Variants in AMZ2 observed in about 807,000 individuals in gnomAD.
The protein encoded by AMZ2 is archaemetzincin-2.
A neutral mutation model predicts 36.7 loss-of-function variants in AMZ2; 26 were observed. The observed-to-expected ratio is 0.71, with a 90% CI of 0.52 to 0.98. The LOEUF is 0.98. AMZ2 is among the 50% of genes least tolerant of loss of function. AMZ2 has a pLI of 0.00. For missense variants in AMZ2, 394 were observed against 430.5 expected (o/e 0.92, Z 0.75); for synonymous variants, 144 against 149.1 (o/e 0.97, Z 0.25).
intron 1 of AMZ2, among the ~76,000 whole-genome samples, chr17:68,222,538 T>C (rs2073394502): frequency 6.6e-6 from 1 of 152,148 alleles, no homozygotes; most frequent in Non-Finnish European, 1.5e-5. Flanking sequence ...TAATGAAATA[T>C]ATAATGAAAT....
chr17:68,221,036 G>A (rs1267775766), intron 1 of AMZ2, among the ~76,000 whole-genome samples: 2 of 151,892 alleles, frequency 1.3e-5, no homozygotes, highest in African/African-American at 2.4e-5. Flanking sequence ...CACCCGCCTC[G>A]GCCCCGCAAA....
chr17:68,241,828 G>A (rs1375675233), intron 1 of AMZ2, among the ~76,000 whole-genome samples: 12 of 151,476 alleles, frequency 7.9e-5, no homozygotes, highest in Admixed American at 4.6e-4. Context: ...AGGTTCAAGC[G>A]ATTCTCCTGC....
intron 1 of AMZ2, among the ~76,000 whole-genome samples, chr17:68,240,226 A>T (rs1682972956): frequency 6.6e-6 from 1 of 152,144 alleles, no homozygotes; most frequent in African/African-American, 2.4e-5. Flanking sequence ...AATACTATTC[A>T]TAAGAGTTCC....
In AMZ2 at chr17:68,256,838, G is replaced by GA. The variant is rs782304306; in HGVS notation, c.954dup (p.Ser319IlefsTer3). ...GGCACTGGTGAGGTGGATTGATGATGAATCTTCTGACACACCTGGAGCAAC... is the reference window on the plus strand; with the variant it reads ...GGCACTGGTGAGGTGGATTGATGATGAAATCTTCTGACACACCTGGAGCAAC... On this transcript the variant is annotated frameshift_variant, in exon 7 of 7. Coordinates refer to ENST00000359904, the MANE Select transcript of AMZ2 (RefSeq NM_016627.5). LOFTEE classifies it low-confidence loss of function (END_TRUNC). 2.2e-5 allele frequency: 35 copies of GA among 1,613,530 alleles called. No individual in the cohort carries two copies. In the Admixed American group the frequency reaches 2.7e-4, roughly 12 times the overall value.
At position 68,223,738 on chromosome 17, in the gene AMZ2, C is replaced by T. The variant is rs562665027; in HGVS notation, c.-67+17500C>T. 4.2e-5 allele frequency among the ~76,000 whole-genome samples: 6 copies of T among 143,836 alleles called. No individual in the cohort carries two copies. The South Asian group carries it at 6.6e-4, about 16-fold the overall frequency. 94.4% of individuals were successfully genotyped at this position (143,836 alleles called of 152,430 possible). ...TGTTGTTTGTTTGTTTGTTTTGAGA[C>T]GGAGTCACGCTCTGTCACCCAGGCT... On this transcript the variant is annotated intron_variant, in intron 1 of 7. Transcript: ENST00000674770.
chr17:68,247,666 C>T (rs566847733), upstream of AMZ2: 2 of 985,528 alleles, frequency 2.0e-6, no homozygotes, highest in East Asian at 2.3e-4. Flanking sequence ...TTTGGGGCCA[C>T]GCTGGTTGCA....
chr17:68,227,099 A>G (rs1555730101), intron 1 of AMZ2, among the ~76,000 whole-genome samples: 1 of 151,720 alleles, frequency 6.6e-6, no homozygotes, highest in Non-Finnish European at 1.5e-5. Context: ...ACATAATAAC[A>G]TTTTTAGGAA....
intron 1 of AMZ2, among the ~76,000 whole-genome samples, chr17:68,212,805 C>A (rs2073101578): frequency 6.6e-6 from 1 of 152,052 alleles, no homozygotes; most frequent in Non-Finnish European, 1.5e-5. Context: ...TGGGTTCAAG[C>A]AATCCACCGA....
chr17:68,207,969 C>T lies in AMZ2; in HGVS notation c.-67+1731C>T, dbSNP rs1310517974. 2.6e-5 allele frequency among the ~76,000 whole-genome samples: 4 copies of T among 152,072 alleles called. 1 individual carries two copies. The highest frequency in any genetic ancestry group is 9.7e-5 in the African/African-American group (4 of 41,422). On this transcript the variant is annotated intron_variant, in intron 1 of 7. Coordinates refer to the AMZ2 transcript ENST00000674770. Reference sequence around the variant, plus strand: ...ACTTGGAGCAGCCGGCAGGCCCCGCCGGCCATGGGCAGTGAGAGGCTTAGC... The same window carrying T: ...ACTTGGAGCAGCCGGCAGGCCCCGCTGGCCATGGGCAGTGAGAGGCTTAGC...
At chr17:68,247,595 G>A (rs1468457535), upstream of AMZ2, 1 of 976,572 alleles carries the variant, frequency 1.0e-6, no homozygotes, top group Non-Finnish European at 1.2e-6. Context: ...GGAAAGTGCT[G>A]AGGGTGACGG....
chr17:68,256,539 A>G (rs73349702), intron 6 of AMZ2, among the ~76,000 whole-genome samples: 9,442 of 152,312 alleles, frequency 0.062, 527 homozygotes, highest in Admixed American at 0.13. Context: ...ATAACATCCT[A>G]TTATGCTAGA....
intron 1 of AMZ2, among the ~76,000 whole-genome samples, chr17:68,222,031 A>G (rs2073380951): frequency 1.3e-5 from 2 of 152,398 alleles, no homozygotes; most frequent in South Asian, 2.1e-4. Context: ...CTGAGCTTAT[A>G]CATTAGCAAT....
intron 1 of AMZ2, among the ~76,000 whole-genome samples, chr17:68,238,016 T>C (rs1349844127): frequency 1.3e-5 from 2 of 151,894 alleles, no homozygotes; most frequent in African/African-American, 4.8e-5. Flanking sequence ...ATTCAGACCA[T>C]CTCCTCCATC....
At chr17:68,245,395 A>C (rs150379818), upstream of AMZ2, among the ~76,000 whole-genome samples, 866 of 145,886 alleles carry the variant, frequency 5.9e-3, 4 homozygotes, top group Middle Eastern at 0.011. Context: ...GTGTCACTAC[A>C]CCTGGCTTTT....
intron 1 of AMZ2, among the ~76,000 whole-genome samples, chr17:68,210,589 A>G (rs2073014159): frequency 6.6e-6 from 1 of 152,150 alleles, no homozygotes; most frequent in Non-Finnish European, 1.5e-5. Flanking sequence ...AAGATGAAAA[A>G]GTTCTGGAGA....
chr17:68,255,685 A>G lies in AMZ2; in HGVS notation c.751-15A>G, dbSNP rs376408415. 1.8e-5 allele frequency: 29 copies of G among 1,610,654 alleles called. No homozygotes were observed. The African/African-American group carries it at 2.4e-4, about 13-fold the overall frequency. On this transcript the variant is annotated splice_polypyrimidine_tract_variant and intron_variant, in intron 5 of 6. Coordinates refer to ENST00000359904, the MANE Select transcript of AMZ2 (RefSeq NM_016627.5). ...GATGGTGGTCTTATAAAGCCTCAACATGATTGTCTTGCAGACTTTAACCCA... is the reference window on the plus strand; with the variant it reads ...GATGGTGGTCTTATAAAGCCTCAACGTGATTGTCTTGCAGACTTTAACCCA...
chr17:68,209,581 G>GGTGGGTGT (rs1264790118), intron 1 of AMZ2, among the ~76,000 whole-genome samples: 9 of 106,934 alleles, frequency 8.4e-5, no homozygotes, highest in South Asian at 3.2e-4. Flanking sequence ...AATAATTGTG[G>GGTGGGTGT]GTGTGTGTGT....
intron 1 of AMZ2, among the ~76,000 whole-genome samples, chr17:68,208,421 C>T (rs141177289): frequency 0.024 from 3,664 of 152,264 alleles, 128 homozygotes; most frequent in African/African-American, 0.083. Context: ...ATGCACCAAT[C>T]GACAATCTGT....
chr17:68,209,852 C>T (rs897052797), intron 1 of AMZ2, among the ~76,000 whole-genome samples: 5 of 151,584 alleles, frequency 3.3e-5, no homozygotes, highest in Non-Finnish European at 7.4e-5. Flanking sequence ...AACTCATAAA[C>T]TCAGGTGATC....
Sources: allele counts gnomAD v4.1 joint callset (sites outside exome capture counted in the v4.1 genomes callset), GRCh38; gene constraint gnomAD v4.1.1; transcripts MANE v1.5; gene names NCBI Gene and HGNC (gene_info 2026-07-23, HGNC 2026-07-21).